RIN3: variants seen among roughly 807,000 people sequenced by gnomAD.
RIN3 encodes Ras and Rab interactor 3.
A neutral mutation model predicts 76.3 loss-of-function variants in RIN3; 54 were observed. The ratio of observed to expected loss-of-function variants is 0.71; its 90% confidence interval spans 0.57 to 0.89. The LOEUF (loss-of-function observed/expected upper bound fraction) is 0.89, where lower values mean the gene tolerates loss of function less well. Among genes scored for constraint, RIN3 ranks in the 40% least tolerant of loss-of-function variants. The pLI, the probability that RIN3 is intolerant of heterozygous loss-of-function variation, is 0.00. For synonymous variants in RIN3, 576 were observed against 564.0 expected, an observed-to-expected ratio of 1.02 and a Z score of -0.30; for missense variants, 1,256 against 1,322.1, an observed-to-expected ratio of 0.95 and a Z score of 0.78.
intron 7 of RIN3, among the ~76,000 whole-genome samples, chr14:92,663,923 T>G (rs531830557): frequency 1.3e-5 from 2 of 152,336 alleles, no homozygotes; most frequent in African/African-American, 4.8e-5. Flanking sequence ...AGTTACTTCC[T>G]GAGCCTCGGT....
intron 5 of RIN3, among the ~76,000 whole-genome samples, chr14:92,645,409 G>C (rs1054034990): frequency 6.6e-6 from 1 of 152,204 alleles, no homozygotes; most frequent in Non-Finnish European, 1.5e-5. Flanking sequence ...AGTCTAAAGG[G>C]TTTATTCAGC....
At chr14:92,630,364 T>G (rs1044877682) in intron 4 of RIN3, among the ~76,000 whole-genome samples, 1 of 152,118 alleles carries the variant, frequency 6.6e-6, no homozygotes, top group Non-Finnish European at 1.5e-5. Context: ...TCGTGGCACA[T>G]GCCTGTAATC....
rs1595513482 is a variant in RIN3 at position 92,687,739 on chromosome 14, A to C, written c.2632-187A>C. The C allele has an allele frequency of 1.1e-5, 6 of 552,072 alleles. No homozygotes were observed. In the East Asian group the frequency reaches 2.0e-4, roughly 19 times the overall value. The allele number at this position is 552,072 out of a possible 1,614,324, so 34.2% of individuals were successfully genotyped here. A position where few individuals can be genotyped will look rare whatever the true frequency, so the allele number is the denominator to read the frequency against. ...CCCAGAACTGTCGGCCCAGCTGGGA[A>C]GCCAGGCAGGGAGGGGGACGGGCCC... On this transcript the variant is annotated intron_variant, in intron 9 of 9. Transcript: ENST00000216487.
chr14:92,541,051 T>A (rs1435965759), intron 1 of RIN3, among the ~76,000 whole-genome samples: 1 of 152,246 alleles, frequency 6.6e-6, no homozygotes, highest in East Asian at 1.9e-4. Flanking sequence ...CCATCCCAGA[T>A]CTGATCCAAC....
chr14:92,594,557 A>G (rs1885092116), intron 3 of RIN3, among the ~76,000 whole-genome samples: 1 of 152,248 alleles, frequency 6.6e-6, no homozygotes, highest in African/African-American at 2.4e-5. Flanking sequence ...TTAACAACAC[A>G]CTTCTAACCA....
rs374779622 is a variant in RIN3 at position 92,514,674 on chromosome 14, G to T, written c.44+698G>T. 6.6e-6 allele frequency among the ~76,000 whole-genome samples: 1 copy of T among 152,320 alleles called. No individual in the cohort carries two copies. The highest frequency in any genetic ancestry group is 2.1e-4 in the South Asian group (1 of 4,826). On this transcript the variant is annotated intron_variant, in intron 1 of 9. Transcript: ENST00000216487. The surrounding 1 kb of genome is among the most constrained non-coding windows in gnomAD (Gnocchi z 7.2). The stretch of plus-strand genomic sequence containing the variant: ...ATGGTTTGGGAACTGACTTGGAGAG[G>T]AGTCCCCGGTGGCTAAGTCCCCGCT...
In RIN3 at chr14:92,687,784, G is replaced by C; in HGVS notation, c.2632-142G>C. 3 of 719,516 alleles carry C rather than the reference G, an allele frequency of 4.2e-6. No individual in the cohort carries two copies. The South Asian group carries it at 6.2e-5, about 15-fold the overall frequency. 44.6% of individuals were successfully genotyped at this position (719,516 alleles called of 1,614,324 possible). On this transcript the variant is annotated intron_variant, in intron 9 of 9. Coordinates refer to ENST00000216487, the MANE Select transcript of RIN3 (RefSeq NM_024832.5). Reference sequence around the variant, plus strand: ...GGGCCCCCCGCAGGCTCGCGGCAGAGACGGGAAAGGCGCAGGTGCCGGACT... The same window carrying C: ...GGGCCCCCCGCAGGCTCGCGGCAGACACGGGAAAGGCGCAGGTGCCGGACT...
intron 3 of RIN3, among the ~76,000 whole-genome samples, chr14:92,608,846 G>A (rs952990239): frequency 6.6e-6 from 1 of 151,874 alleles, no homozygotes; most frequent in African/African-American, 2.4e-5. Context: ...CTCTCTCTTA[G>A]CATTTTTAAG....
intron 3 of RIN3, among the ~76,000 whole-genome samples, chr14:92,593,972 AAC>A (rs1227257457): frequency 6.6e-6 from 1 of 152,202 alleles, no homozygotes; most frequent in Non-Finnish European, 1.5e-5. Context: ...AATCAGTAAG[AAC>A]ATAGTTGAAT....
Position 92,652,600 on chromosome 14 carries a change from C to T in RIN3, c.1551C>T (p.Ala517=). Residue 517 remains alanine, a synonymous_variant, in exon 6 of 10, where the codon GCC becomes GCT. Coordinates refer to ENST00000216487, the MANE Select transcript of RIN3 (RefSeq NM_024832.5). The surrounding 1 kb of genome is among the most constrained non-coding windows in gnomAD (Gnocchi z 6.4). The part of the protein sequence containing the change: ...QAGTQHPPAQ[A]TAHSQSSPEF... ...GGACTCAGCACCCTCCTGCCCAGGC[C>T]ACTGCCCATTCCCAGAGCTCTCCAG... 1 of 1,611,424 alleles carries T rather than the reference C, an allele frequency of 6.2e-7. No individual in the cohort carries two copies. The highest frequency in any genetic ancestry group is 1.1e-5 in the South Asian group (1 of 91,088).
Position 92,615,318 on chromosome 14 carries a change from GCC to G in RIN3, c.368-84_368-83del. On this transcript the variant is annotated intron_variant, in intron 3 of 9. Transcript: ENST00000216487. ...GACCCAGAATGTGTGCAGCAGACACGCCCCCCGACCCCATCCTTGCCACCTCC... is the reference window on the plus strand; with the variant it reads ...GACCCAGAATGTGTGCAGCAGACACGCCCCGACCCCATCCTTGCCACCTCC... The G allele has an allele frequency of 2.8e-6, 3 of 1,071,374 alleles. No individual in the cohort carries two copies. In the East Asian group the frequency reaches 7.1e-5, roughly 25 times the overall value. The allele number at this position is 1,071,374 out of a possible 1,614,324, so 66.4% of individuals were successfully genotyped here.
intron 4 of RIN3, among the ~76,000 whole-genome samples, chr14:92,630,590 T>C (rs915270448): frequency 1.3e-5 from 2 of 152,230 alleles, no homozygotes; most frequent in Admixed American, 1.3e-4. Context: ...ACTTCCTCTA[T>C]GTCCAGGGAG....
At chr14:92,661,750 C>CAA (rs1474708191) in intron 7 of RIN3, among the ~76,000 whole-genome samples, 2 of 140,328 alleles carry the variant, frequency 1.4e-5, no homozygotes, top group Non-Finnish European at 3.1e-5. Flanking sequence ...CACACACACA[C>CAA]ACACACACAA....
chr14:92,661,756 C>CAAAAAAAAA (rs1195736886), intron 7 of RIN3, among the ~76,000 whole-genome samples: 18 of 118,716 alleles, frequency 1.5e-4, no homozygotes, highest in African/African-American at 4.6e-4. Context: ...CACACACACA[C>CAAAAAAAAA]ACAAAAAATA....
intron 3 of RIN3, among the ~76,000 whole-genome samples, chr14:92,591,080 G>T (rs1884962019): frequency 6.6e-6 from 1 of 152,210 alleles, no homozygotes; most frequent in Middle Eastern, 3.2e-3. Context: ...GACTCTAATG[G>T]CTAAAGTAGA....
At chr14:92,683,940 A>G (rs1437813667) in intron 8 of RIN3, among the ~76,000 whole-genome samples, 2 of 152,172 alleles carry the variant, frequency 1.3e-5, no homozygotes, top group Non-Finnish European at 2.9e-5. Flanking sequence ...CCCATCATAA[A>G]TTGAAAATAT....
intron 5 of RIN3, chr14:92,651,079 C>T (rs933515918): frequency 1.9e-5 from 3 of 153,982 alleles, no homozygotes; most frequent in African/African-American, 7.2e-5. Flanking sequence ...GTTCCTTCCT[C>T]CTCGTGTGCC....
chr14:92,600,703 C>T (rs987827028), intron 3 of RIN3, among the ~76,000 whole-genome samples: 12 of 152,306 alleles, frequency 7.9e-5, no homozygotes, highest in Middle Eastern at 3.4e-3. Flanking sequence ...GGGCTCCTGC[C>T]GGTTCACTCA....
In RIN3 at chr14:92,513,850, G is replaced by A; in HGVS notation, c.-83G>A. The A allele has an allele frequency of 9.6e-7, 1 of 1,037,930 alleles. No individual in the cohort carries two copies. 64.3% of individuals were successfully genotyped at this position (1,037,930 alleles called of 1,614,324 possible). On this transcript the variant is annotated 5_prime_UTR_variant, in exon 1 of 10. Transcript: ENST00000216487. ...GCCCTTCCAGAGGGCCAGAGCCAGG[G>A]ACATGCGGGCGCCCGGGACTCCGCG...
Sources: allele counts gnomAD v4.1 joint callset (sites outside exome capture counted in the v4.1 genomes callset), GRCh38; gene constraint gnomAD v4.1.1; non-coding constraint Gnocchi (gnomAD v3.1); transcripts MANE v1.5; gene names NCBI Gene and HGNC (gene_info 2026-07-23, HGNC 2026-07-21).